Variants in SLC4A8 observed in about 807,000 individuals in gnomAD.
SLC4A8 encodes the protein electroneutral sodium bicarbonate exchanger 1.
SLC4A8 carries 40 observed loss-of-function variants against 125.0 expected under a neutral mutation model. The observed-to-expected ratio is 0.32, with a 90% CI of 0.25 to 0.42. The LOEUF is 0.42. Ranked by LOEUF, SLC4A8 falls within the 10% of genes least tolerant of loss-of-function variation. The pLI, the probability that SLC4A8 is intolerant of heterozygous loss-of-function variation, is 1.00. For missense variants in SLC4A8, 863 were observed against 1,355.1 expected (o/e 0.64, Z 5.70); for synonymous variants, 456 against 476.0 (o/e 0.96, Z 0.55).
chr12:51,502,090 A>T (rs1592280635), intron 22 of SLC4A8: 1 of 152,326 alleles, frequency 6.6e-6, no homozygotes, highest in South Asian at 2.1e-4. Flanking sequence ...AATACACCTA[A>T]TCAAAAACAT....
intron 22 of SLC4A8, among the ~76,000 whole-genome samples, chr12:51,498,879 C>CAA (rs1179044009): frequency 0.063 from 2,257 of 35,884 alleles, 175 homozygotes; most frequent in African/African-American, 0.099. Context: ...GATCCTGTCT[C>CAA]AAAAAAAAAA....
intron 2 of SLC4A8, among the ~76,000 whole-genome samples, chr12:51,443,714 G>A (rs979541021): frequency 2.6e-5 from 4 of 152,164 alleles, no homozygotes; most frequent in African/African-American, 9.7e-5. Context: ...GCTTACATCT[G>A]CTCGACATGT....
chr12:51,419,649 T>G lies in SLC4A8; in HGVS notation c.-111-21059T>G, dbSNP rs139459642. On this transcript the variant is annotated intron_variant, in intron 1 of 24. Coordinates refer to the SLC4A8 transcript ENST00000358657. ...ATTCTTGACTTGCGGATGACAACCG[T>G]TTTTTTTACAGCCAGCTTTTCTGTT... 3.9e-3 allele frequency among the ~76,000 whole-genome samples: 588 copies of G among 152,066 alleles called. 7 individuals carry two copies. The highest frequency in any genetic ancestry group is 0.018 in the South Asian group (84 of 4,800).
At chr12:51,432,517 G>C (rs1949227780) in intron 1 of SLC4A8, among the ~76,000 whole-genome samples, 1 of 151,992 alleles carries the variant, frequency 6.6e-6, no homozygotes, top group South Asian at 2.1e-4. Flanking sequence ...GAGGTCAGGA[G>C]ATAGAGACCA....
In SLC4A8 at chr12:51,508,868, C is replaced by A. The variant is rs528640549; in HGVS notation, c.*1430C>A. On this transcript the variant is annotated 3_prime_UTR_variant, in exon 25 of 25. Coordinates refer to ENST00000453097, the MANE Select transcript of SLC4A8 (RefSeq NM_001039960.3). ...GTGGGAAGTTCCCCGATGTGTTTTT[C>A]TTTCTTAGGTGAAGGGTTGGCTATA... is the stretch of plus-strand genomic sequence containing the variant. The A allele has an allele frequency of 2.0e-5, 3 of 152,232 alleles. No homozygotes were observed. The South Asian group carries it at 6.2e-4, about 32-fold the overall frequency. The allele number at this position is 152,232 out of a possible 1,614,324, so 9.4% of individuals were successfully genotyped here.
intron 8 of SLC4A8, among the ~76,000 whole-genome samples, chr12:51,460,641 T>A (rs781282013): frequency 3.3e-5 from 5 of 152,236 alleles, no homozygotes; most frequent in Non-Finnish European, 5.9e-5. Flanking sequence ...ATAAAGGTAT[T>A]TGTTTCCCTT....
chr12:51,419,603 A>G (rs963968358), intron 1 of SLC4A8, among the ~76,000 whole-genome samples: 5 of 152,202 alleles, frequency 3.3e-5, no homozygotes, highest in African/African-American at 1.2e-4. Context: ...GAAGTCCTAC[A>G]GCTTTTCTCC....
At chr12:51,401,227 G>A (rs900609575) in intron 1 of SLC4A8, among the ~76,000 whole-genome samples, 2 of 152,170 alleles carry the variant, frequency 1.3e-5, no homozygotes, top group South Asian at 2.1e-4. Context: ...GTCTGTAGGC[G>A]GCTGTGCTAA....
chr12:51,411,908 A>G (rs2137971479), intron 1 of SLC4A8, among the ~76,000 whole-genome samples: 2 of 152,014 alleles, frequency 1.3e-5, no homozygotes, highest in Middle Eastern at 6.8e-3. Context: ...CAAAAAATAC[A>G]AAAATTAGCT....
chr12:51,436,973 G>C (rs1592180351), intron 1 of SLC4A8, among the ~76,000 whole-genome samples: 1 of 152,068 alleles, frequency 6.6e-6, no homozygotes, highest in Non-Finnish European at 1.5e-5. Context: ...AACACCCTTT[G>C]TTAGATAAAA....
At position 51,450,990 on chromosome 12, in the gene SLC4A8, A is replaced by AGGGG; in HGVS notation, c.247_250dup (p.Glu84GlyfsTer27). On this transcript the variant is annotated frameshift_variant, in exon 3 of 25. Transcript: ENST00000453097. LOFTEE classifies it high-confidence loss of function. ...CGAGGGCGGGGCAAAGGAGCCAGCC[A>AGGGG]GGGGGAGGAAGGCCTGGAAGCCCTG... The AGGGG allele has an allele frequency of 6.4e-7, 1 of 1,557,736 alleles. No individual in the cohort carries two copies. The highest frequency in any genetic ancestry group is 8.7e-7 in the Non-Finnish European group (1 of 1,149,436).
At chr12:51,430,969 A>G (rs763641324) in intron 1 of SLC4A8, among the ~76,000 whole-genome samples, 5 of 152,246 alleles carry the variant, frequency 3.3e-5, no homozygotes, top group African/African-American at 4.8e-5. Context: ...CTACAGTTCT[A>G]TAGTTCAGAA....
Position 51,508,856 on chromosome 12 carries a change from C to T in SLC4A8, c.*1418C>T, listed in dbSNP as rs760089115. On this transcript the variant is annotated 3_prime_UTR_variant, in exon 25 of 25. Coordinates refer to ENST00000453097, the MANE Select transcript of SLC4A8 (RefSeq NM_001039960.3). The stretch of plus-strand genomic sequence containing the variant: ...AATCTTTGTACAGTGGGAAGTTCCC[C>T]GATGTGTTTTTCTTTCTTAGGTGAA... 6.6e-6 allele frequency: 1 copy of T among 152,106 alleles called. No individual in the cohort carries two copies. Among genetic ancestry groups the T allele is most frequent in the Non-Finnish European group, 1.5e-5 (1 of 67,996 alleles). 9.4% of individuals were successfully genotyped at this position (152,106 alleles called of 1,614,324 possible).
chr12:51,416,464 G>A (rs1948689983), intron 1 of SLC4A8, among the ~76,000 whole-genome samples: 1 of 152,068 alleles, frequency 6.6e-6, no homozygotes, highest in African/African-American at 2.4e-5. Context: ...TCAACAAGGT[G>A]AAACCCCATC....
At chr12:51,432,454 G>A (rs541847672) in intron 1 of SLC4A8, among the ~76,000 whole-genome samples, 23 of 148,344 alleles carry the variant, frequency 1.6e-4, no homozygotes, top group African/African-American at 5.7e-4. Flanking sequence ...GCTGGGTGTG[G>A]TGGCTCACAC....
intron 11 of SLC4A8, chr12:51,466,461 A>G (rs1950517532): frequency 1.3e-5 from 2 of 152,190 alleles, no homozygotes; most frequent in African/African-American, 2.4e-5. Flanking sequence ...AAAGCCCTCC[A>G]GGGAAGGGCT....
At chr12:51,475,009 T>G (rs1420206027) in intron 15 of SLC4A8, 36 bp from the exon 16 acceptor site, 6 of 1,597,546 alleles carry the variant, frequency 3.8e-6, no homozygotes, top group Non-Finnish European at 5.1e-6. Context: ...TTTGGTTGTG[T>G]CTGCCTTTCA....
chr12:51,469,828 C>T (rs1362315641), intron 12 of SLC4A8, 40 bp downstream of exon 12: 1 of 1,594,672 alleles, frequency 6.3e-7, no homozygotes, highest in Non-Finnish European at 8.6e-7. Context: ...CCAAACAAGA[C>T]CTAAAATATT....
At position 51,440,895 on chromosome 12, in the gene SLC4A8, G is replaced by A. The variant is rs548267835; in HGVS notation, c.130+106G>A. On this transcript the variant is annotated intron_variant, in intron 2 of 24. Transcript: ENST00000453097. ...TCTCTCACTAGCTGTCAGACCTTGGGGAAAATCACTTGATTTCCTTTAGCC... is the reference window on the plus strand; with the variant it reads ...TCTCTCACTAGCTGTCAGACCTTGGAGAAAATCACTTGATTTCCTTTAGCC... The A allele has an allele frequency of 8.5e-6, 9 of 1,055,442 alleles. No homozygotes were observed. The African/African-American group carries it at 1.5e-4, about 17-fold the overall frequency. The allele number at this position is 1,055,442 out of a possible 1,614,324, so 65.4% of individuals were successfully genotyped here.
Sources: allele counts gnomAD v4.1 joint callset (sites outside exome capture counted in the v4.1 genomes callset), GRCh38; gene constraint gnomAD v4.1.1; transcripts MANE v1.5; gene names NCBI Gene and HGNC (gene_info 2026-07-23, HGNC 2026-07-21).